MAD1L1: variants seen among roughly 807,000 people sequenced by gnomAD.
MAD1L1 encodes mitotic arrest deficient 1 like 1, also known as mitotic spindle assembly checkpoint protein MAD1.
In MAD1L1, 95 loss-of-function variants were observed where a neutral mutation model predicts 96.9. The observed-to-expected ratio is 0.98, with a 90% CI of 0.83 to 1.16. The LOEUF (loss-of-function observed/expected upper bound fraction) is 1.16, where lower values mean the gene tolerates loss of function less well. MAD1L1 is among the 50% of genes most tolerant of loss of function. MAD1L1 has a pLI of 0.00. For synonymous variants in MAD1L1, 473 were observed against 396.6 expected, an observed-to-expected ratio of 1.19 and a Z score of -2.29; for missense variants, 1,007 against 954.4, an observed-to-expected ratio of 1.06 and a Z score of -0.73.
chr7:2,027,749 C>T (rs1159204234), intron 12 of MAD1L1, among the ~76,000 whole-genome samples: 1 of 152,168 alleles, frequency 6.6e-6, no homozygotes, highest in Admixed American at 6.5e-5. Flanking sequence ...TTACTAAAGT[C>T]GTCAGCACGA....
At chr7:2,034,889 C>T (rs984032230) in intron 12 of MAD1L1, among the ~76,000 whole-genome samples, 4 of 152,226 alleles carry the variant, frequency 2.6e-5, no homozygotes, top group Non-Finnish European at 5.9e-5. Flanking sequence ...CCAAGCTTTG[C>T]ACATGTCCAG....
At chr7:1,984,022 C>A (rs546048449) in intron 14 of MAD1L1, among the ~76,000 whole-genome samples, 46 of 152,282 alleles carry the variant, frequency 3.0e-4, no homozygotes, top group African/African-American at 1.0e-3. Context: ...AGGTTTAATC[C>A]ATATATTTAC....
chr7:1,914,429 G>T (rs1228137621), intron 17 of MAD1L1, among the ~76,000 whole-genome samples: 2 of 152,238 alleles, frequency 1.3e-5, no homozygotes, highest in Non-Finnish European at 2.9e-5. Flanking sequence ...ATCCGAAGAT[G>T]TGCGCTCCGG....
intron 15 of MAD1L1, among the ~76,000 whole-genome samples, chr7:1,970,331 C>CTTTTTTTTTTTTTTTTTTTTTTTTTT (rs34240381): frequency 8.6e-6 from 1 of 116,518 alleles, no homozygotes; most frequent in Non-Finnish European, 1.8e-5. Context: ...TTAATTTTTA[C>CTTTTTTTTTTTTTTTTTTTTTTTTTT]TTTTTTTTTT....
intron 18 of MAD1L1, among the ~76,000 whole-genome samples, chr7:1,851,808 C>CGCCT (rs1049401716): frequency 2.0e-5 from 3 of 152,154 alleles, no homozygotes; most frequent in African/African-American, 7.2e-5. Context: ...TGATCTGTGA[C>CGCCT]GCCTGCCTGC....
intron 11 of MAD1L1, chr7:2,109,730 T>C (rs1787280569): frequency 6.6e-6 from 1 of 152,266 alleles, no homozygotes; most frequent in South Asian, 2.1e-4. Flanking sequence ...ATAAAACTCA[T>C]GGCGAGTGTT....
At chr7:2,219,301 AC>A in intron 6 of MAD1L1, 30 bp downstream of exon 6, 6 of 1,531,416 alleles carry the variant, frequency 3.9e-6, no homozygotes, top group Non-Finnish European at 3.5e-6. Context: ...ACGTGACCCG[AC>A]CCCCGACCCC....
At chr7:1,937,450 T>C (rs1231066745) in intron 16 of MAD1L1, among the ~76,000 whole-genome samples, 1 of 152,142 alleles carries the variant, frequency 6.6e-6, no homozygotes, top group Non-Finnish European at 1.5e-5. Flanking sequence ...AGGGCCGGGA[T>C]GTGTGTGGCA....
chr7:2,163,623 T>C (rs1790273677), intron 10 of MAD1L1, among the ~76,000 whole-genome samples: 1 of 152,200 alleles, frequency 6.6e-6, no homozygotes, highest in Non-Finnish European at 1.5e-5. Flanking sequence ...TCCGCCCGCC[T>C]TGGCCTCCCA....
chr7:1,988,743 C>T (rs1713360307), intron 14 of MAD1L1, among the ~76,000 whole-genome samples: 2 of 152,206 alleles, frequency 1.3e-5, no homozygotes, highest in African/African-American at 4.8e-5. Flanking sequence ...GGACAGGATT[C>T]CCGGCGGCCA....
chr7:2,217,911 G>A, intron 7 of MAD1L1, 51 bp downstream of exon 7: 2 of 1,506,654 alleles, frequency 1.3e-6, no homozygotes, highest in Non-Finnish European at 1.8e-6. Context: ...GGGCAGGAGA[G>A]TCAAGGCCAC....
intron 12 of MAD1L1, among the ~76,000 whole-genome samples, chr7:2,034,064 G>A (rs1159344362): frequency 6.6e-6 from 1 of 152,168 alleles, no homozygotes; most frequent in Non-Finnish European, 1.5e-5. Context: ...CCACCACATT[G>A]CAGCCTGGGC....
At chr7:2,215,007 G>C (rs886263951) in intron 9 of MAD1L1, among the ~76,000 whole-genome samples, 1 of 152,182 alleles carries the variant, frequency 6.6e-6, no homozygotes, top group African/African-American at 2.4e-5. Context: ...AAAGGCGGGA[G>C]GGTCACTTGA....
At chr7:1,946,943 C>T (rs983799427) in intron 16 of MAD1L1, among the ~76,000 whole-genome samples, 2 of 152,218 alleles carry the variant, frequency 1.3e-5, no homozygotes, top group Admixed American at 6.5e-5. Context: ...CAGCCCAAGT[C>T]CTGGAGGAGG....
At chr7:2,183,776 C>T (rs75649934) in intron 10 of MAD1L1, among the ~76,000 whole-genome samples, 40,903 of 151,688 alleles carry the variant, frequency 0.27, 6,375 homozygotes, top group African/African-American at 0.41. Flanking sequence ...CGGGGAGGGA[C>T]AGCATTAGGA....
intron 11 of MAD1L1, among the ~76,000 whole-genome samples, chr7:2,084,408 C>T (rs763782487): frequency 1.3e-4 from 20 of 152,198 alleles, no homozygotes; most frequent in African/African-American, 3.4e-4. Context: ...GCAGAGCATG[C>T]GAGTGGCGCT....
Position 1,910,272 on chromosome 7 carries a change from C to T in MAD1L1, c.1808-11882G>A, listed in dbSNP as rs114821163. Among the ~76,000 whole-genome samples the T allele has an allele frequency of 6.2e-3, 949 of 152,292 alleles. 12 individuals are homozygous for T. Among genetic ancestry groups the T allele is most frequent in the African/African-American group, 0.022 (895 of 41,548 alleles). On this transcript the variant is annotated intron_variant, in intron 17 of 18. Coordinates refer to ENST00000265854, the MANE Select transcript of MAD1L1 (RefSeq NM_001013836.2). ...TGGCGGAAGGAGGGACATTGGCCCC[C>T]GTGTCAGTGATCCTCCGGACACCCT... is the stretch of plus-strand genomic sequence containing the variant.
intron 12 of MAD1L1, among the ~76,000 whole-genome samples, chr7:2,032,529 T>C (rs968917374): frequency 6.6e-6 from 1 of 152,230 alleles, no homozygotes; most frequent in African/African-American, 2.4e-5. Flanking sequence ...ATCAGGGTCC[T>C]TCCTCAACTG....
intron 11 of MAD1L1, among the ~76,000 whole-genome samples, chr7:2,117,708 CTG>C (rs1787781012): frequency 6.6e-6 from 1 of 152,182 alleles, no homozygotes; most frequent in Non-Finnish European, 1.5e-5. Flanking sequence ...CCATGATAAA[CTG>C]TGAGTTAATT....
Sources: allele counts gnomAD v4.1 joint callset (sites outside exome capture counted in the v4.1 genomes callset), GRCh38; gene constraint gnomAD v4.1.1; transcripts MANE v1.5; gene names NCBI Gene and HGNC (gene_info 2026-07-23, HGNC 2026-07-21).